The following RBFOX2 variants were observed in gnomAD, a reference collection of about 807,000 sequenced individuals.
The protein encoded by RBFOX2 is RNA binding fox-1 homolog 2.
A neutral mutation model predicts 49.1 loss-of-function variants in RBFOX2; 10 were observed. The ratio of observed to expected loss-of-function variants is 0.20; its 90% CI spans 0.13 to 0.35. RBFOX2 has a LOEUF of 0.35. Ranked by LOEUF, RBFOX2 falls within the 10% of genes least tolerant of loss-of-function variation. The pLI is 1.00. For synonymous variants in RBFOX2, 183 were observed against 187.4 expected, an observed-to-expected ratio of 0.98 and a Z score of 0.19; for missense variants, 323 against 486.9, an observed-to-expected ratio of 0.66 and a Z score of 3.17.
rs1467928579 is a variant in RBFOX2, at chr22:36,009,678, T to C, written c.186+18562A>G. Among the ~76,000 whole-genome samples the C allele has an allele frequency of 3.9e-5, 6 of 152,232 alleles. No homozygotes were observed. The East Asian group carries it at 5.8e-4, about 15-fold the overall frequency. On this transcript the variant is annotated intron_variant, in intron 1 of 13. Coordinates refer to the RBFOX2 transcript ENST00000438146. ...TGCTGGGATTACAGGCATGAGCCAC[T>C]GTGCCCAGACAGAAAGGGCCCTCTT...
intron 9 of RBFOX2, among the ~76,000 whole-genome samples, chr22:35,751,964 G>A (rs1935093707): frequency 6.6e-6 from 1 of 152,146 alleles, no homozygotes; most frequent in South Asian, 2.1e-4. Flanking sequence ...AAAAGCCATC[G>A]ACTATTTTCT....
intron 1 of RBFOX2, among the ~76,000 whole-genome samples, chr22:35,865,303 C>T (rs1435022621): frequency 2.6e-5 from 4 of 152,132 alleles, no homozygotes; most frequent in African/African-American, 4.8e-5. Context: ...AAGATCAACA[C>T]CATATAACAG....
At chr22:35,843,727 TTG>T (rs980740775), upstream of RBFOX2, among the ~76,000 whole-genome samples, 5 of 152,206 alleles carry the variant, frequency 3.3e-5, no homozygotes, top group Non-Finnish European at 7.3e-5. Flanking sequence ...TCAATTGTTG[TTG>T]TTACTTGCAA....
At chr22:35,981,760 T>C (rs1159334934) in intron 1 of RBFOX2, among the ~76,000 whole-genome samples, 1 of 152,186 alleles carries the variant, frequency 6.6e-6, no homozygotes, top group African/African-American at 2.4e-5. Context: ...TTTTTATGGT[T>C]TTACTGGTTT....
chr22:35,974,629 G>A (rs1488982516), intron 1 of RBFOX2, among the ~76,000 whole-genome samples: 1 of 152,142 alleles, frequency 6.6e-6, no homozygotes, highest in African/African-American at 2.4e-5. Context: ...AGAGGTTGTG[G>A]TGAGCCGAGA....
chr22:36,000,700 G>C (rs1395783623), intron 1 of RBFOX2, among the ~76,000 whole-genome samples: 2 of 152,068 alleles, frequency 1.3e-5, no homozygotes, highest in Non-Finnish European at 2.9e-5. Context: ...GGAGTTCTCA[G>C]TATCTACCTC....
At chr22:35,805,440 C>A (rs1950563984) in intron 2 of RBFOX2, among the ~76,000 whole-genome samples, 1 of 151,944 alleles carries the variant, frequency 6.6e-6, no homozygotes, top group African/African-American at 2.4e-5. Flanking sequence ...TGAGATACAA[C>A]TACATATCTA....
chr22:35,865,566 T>C (rs1287072561), intron 1 of RBFOX2, among the ~76,000 whole-genome samples: 1 of 152,132 alleles, frequency 6.6e-6, no homozygotes, highest in Non-Finnish European at 1.5e-5. Flanking sequence ...TCTTTATTAT[T>C]ATTTTTTTTT....
intron 1 of RBFOX2, chr22:35,994,950 G>A (rs2058129294): frequency 6.6e-6 from 1 of 151,674 alleles, no homozygotes; most frequent in African/African-American, 2.4e-5. Context: ...AGCCCAGGGA[G>A]GCAAAAGTAA....
intron 1 of RBFOX2, among the ~76,000 whole-genome samples, chr22:35,981,461 G>A (rs1435864123): frequency 6.6e-6 from 1 of 151,992 alleles, no homozygotes; most frequent in African/African-American, 2.4e-5. Context: ...GGCCAACATG[G>A]TAAATCCTTA....
At chr22:36,011,231 C>T (rs2058809718) in intron 1 of RBFOX2, among the ~76,000 whole-genome samples, 1 of 152,152 alleles carries the variant, frequency 6.6e-6, no homozygotes, top group Non-Finnish European at 1.5e-5. Flanking sequence ...CTGACTGGGG[C>T]ACATGGAGAG....
intron 1 of RBFOX2, among the ~76,000 whole-genome samples, chr22:35,978,038 T>C (rs1361042290): frequency 6.6e-6 from 1 of 151,838 alleles, no homozygotes; most frequent in Non-Finnish European, 1.5e-5. Flanking sequence ...AAGGAGCCCA[T>C]TGACTGAGGA....
intron 1 of RBFOX2, among the ~76,000 whole-genome samples, chr22:35,929,120 GATT>G (rs995658708): frequency 4.0e-5 from 6 of 151,636 alleles, no homozygotes; most frequent in African/African-American, 1.2e-4. Flanking sequence ...CTTTTATTAT[GATT>G]ATTATTATTT....
chr22:36,003,551 G>T (rs979629371), intron 1 of RBFOX2, among the ~76,000 whole-genome samples: 3 of 152,212 alleles, frequency 2.0e-5, no homozygotes, highest in African/African-American at 7.2e-5. Flanking sequence ...GATATTGGAG[G>T]TGGTGGTCAA....
chr22:35,998,528 C>T (rs1048287282), intron 1 of RBFOX2: 2 of 152,284 alleles, frequency 1.3e-5, no homozygotes, highest in Admixed American at 1.3e-4. Flanking sequence ...AGGCATGCAC[C>T]ACCACGTCCA....
chr22:35,778,184 CTTAT>C (rs1752559366), intron 3 of RBFOX2, 106 bp from the exon 5 acceptor site: 2 of 868,564 alleles, frequency 2.3e-6, no homozygotes, highest in Non-Finnish European at 3.6e-6. Context: ...CAGTAAACTA[CTTAT>C]TTAACTTCTA....
intron 1 of RBFOX2, among the ~76,000 whole-genome samples, chr22:35,976,368 C>T (rs377056190): frequency 6.6e-6 from 1 of 151,954 alleles, no homozygotes; most frequent in Non-Finnish European, 1.5e-5. Flanking sequence ...CTCAGTCCTT[C>T]CTTCCTGTTC....
intron 2 of RBFOX2, among the ~76,000 whole-genome samples, chr22:35,785,442 T>C (rs1203171064): frequency 1.3e-5 from 2 of 152,214 alleles, no homozygotes; most frequent in African/African-American, 4.8e-5. Context: ...CTTGCTGTTC[T>C]TATTCTCTCA....
intron 9 of RBFOX2, among the ~76,000 whole-genome samples, chr22:35,750,136 CT>C (rs1934355176): frequency 6.6e-6 from 1 of 152,150 alleles, no homozygotes; most frequent in South Asian, 2.1e-4. Context: ...CTTGCCCACC[CT>C]AGCCCTGGCC....
Sources: allele counts gnomAD v4.1 joint callset (sites outside exome capture counted in the v4.1 genomes callset), GRCh38; gene constraint gnomAD v4.1.1; transcripts MANE v1.5; gene names NCBI Gene and HGNC (gene_info 2026-07-23, HGNC 2026-07-21).